THRB: variants seen among roughly 807,000 people sequenced by gnomAD.
THRB encodes the protein nuclear receptor subfamily 1 group A member 2.
A neutral mutation model predicts 47.8 loss-of-function variants in THRB; 12 were observed. The observed-to-expected ratio is 0.25, with a 90% confidence interval of 0.16 to 0.41. THRB has a LOEUF of 0.41. Ranked by LOEUF, THRB falls within the 10% of genes least tolerant of loss-of-function variation. The probability of loss-of-function intolerance (pLI) is 1.00; values close to 1 mark genes in which losing one functional copy is unlikely to be tolerated. For missense variants in THRB, 348 were observed against 589.2 expected, an observed-to-expected ratio of 0.59 and a Z score of 4.24; for synonymous variants, 218 against 212.2, an observed-to-expected ratio of 1.03 and a Z score of -0.24.
chr3:24,403,862 T>C (rs2067617495), intron 1 of THRB, among the ~76,000 whole-genome samples: 1 of 151,986 alleles, frequency 6.6e-6, no homozygotes, highest in Admixed American at 6.6e-5. Flanking sequence ...GCTTTCTTCA[T>C]ATAACATAAT....
intron 1 of THRB, among the ~76,000 whole-genome samples, chr3:24,438,127 A>T (rs969843130): frequency 1.3e-5 from 2 of 151,834 alleles, no homozygotes; most frequent in Non-Finnish European, 2.9e-5. Context: ...TTATACATAC[A>T]ATTGAGATTA....
intron 2 of THRB, among the ~76,000 whole-genome samples, chr3:24,322,283 C>T (rs138376537): frequency 6.6e-6 from 1 of 152,236 alleles, no homozygotes; most frequent in African/African-American, 2.4e-5. Context: ...GAAGCTTAAA[C>T]TGTTCTATTC....
intron 4 of THRB, among the ~76,000 whole-genome samples, chr3:24,198,477 AACT>A (rs2149698217): frequency 1.0e-5 from 1 of 97,658 alleles, no homozygotes; most frequent in East Asian, 3.7e-4. Flanking sequence ...TTTTTTTTTT[AACT>A]ACTAGTAATT....
At chr3:24,302,590 C>A (rs542518956) in intron 2 of THRB, among the ~76,000 whole-genome samples, 1 of 152,292 alleles carries the variant, frequency 6.6e-6, no homozygotes, top group South Asian at 2.1e-4. Context: ...TTGTCACAAA[C>A]CTCAAGTTTC....
chr3:24,143,350 C>A, intron 8 of THRB, 151 bp downstream of exon 8: 1 of 784,172 alleles, frequency 1.3e-6, no homozygotes, highest in Non-Finnish European at 2.2e-6. Context: ...CAAATCCTAG[C>A]TTTGCAAGTT....
chr3:24,329,765 A>G (rs1240150391), intron 2 of THRB, among the ~76,000 whole-genome samples: 1 of 152,268 alleles, frequency 6.6e-6, no homozygotes, highest in African/African-American at 2.4e-5. Flanking sequence ...GCAATCAACA[A>G]AACTCTAGTT....
At chr3:24,213,483 C>A (rs2046268033) in intron 4 of THRB, among the ~76,000 whole-genome samples, 1 of 152,130 alleles carries the variant, frequency 6.6e-6, no homozygotes, top group Non-Finnish European at 1.5e-5. Context: ...AGGCTAATCC[C>A]AGCCCTGGTC....
intron 1 of THRB, among the ~76,000 whole-genome samples, chr3:24,407,922 T>C (rs576099853): frequency 8.6e-5 from 13 of 151,980 alleles, no homozygotes; most frequent in African/African-American, 2.4e-4. Flanking sequence ...ATGGATAAAA[T>C]ATATCGAAAA....
chr3:24,383,002 T>C lies in THRB; in HGVS notation c.-260-45631A>G, dbSNP rs950799174. Among the ~76,000 whole-genome samples, 6 of 152,276 alleles carry C rather than the reference T, an allele frequency of 3.9e-5. No individual in the cohort carries two copies. The East Asian group carries it at 1.2e-3, about 29-fold the overall frequency. ...CTATCCGGAACATTCCCCTCTAGTC[T>C]AACTCAGTCTTCCATTCTTCCTTCA... is the stretch of plus-strand genomic sequence containing the variant. On this transcript the variant is annotated intron_variant, in intron 1 of 10. Coordinates refer to ENST00000646209, the MANE Select transcript of THRB (RefSeq NM_001354712.2).
At chr3:24,451,400 A>T (rs1224595118) in intron 1 of THRB, among the ~76,000 whole-genome samples, 2 of 151,374 alleles carry the variant, frequency 1.3e-5, no homozygotes, top group Admixed American at 1.3e-4. Context: ...TGCCTAGCTA[A>T]TTTTTTTTGT....
intron 4 of THRB, among the ~76,000 whole-genome samples, chr3:24,190,794 C>T (rs1292413083): frequency 6.6e-6 from 1 of 151,486 alleles, no homozygotes; most frequent in East Asian, 1.9e-4. Context: ...TGAGGGACAC[C>T]CTGTTACTTA....
intron 1 of THRB, among the ~76,000 whole-genome samples, chr3:24,402,074 A>C (rs1225525264): frequency 6.6e-6 from 1 of 152,012 alleles, no homozygotes; most frequent in Admixed American, 6.6e-5. Flanking sequence ...AAGAAAGTAA[A>C]GTCTGGGACA....
chr3:24,174,742 A>C (rs1283567711), intron 5 of THRB, among the ~76,000 whole-genome samples: 1 of 152,158 alleles, frequency 6.6e-6, no homozygotes, highest in African/African-American at 2.4e-5. Context: ...ACAGTGGCCC[A>C]TGCACTGTGC....
chr3:24,383,649 C>T (rs978063434), intron 1 of THRB, among the ~76,000 whole-genome samples: 2 of 152,130 alleles, frequency 1.3e-5, no homozygotes, highest in Admixed American at 1.3e-4. Context: ...CATACTAACA[C>T]AATTCTCTTT....
At chr3:24,161,084 C>T (rs1354656432) in intron 5 of THRB, among the ~76,000 whole-genome samples, 3 of 152,202 alleles carry the variant, frequency 2.0e-5, no homozygotes, top group South Asian at 2.1e-4. Context: ...GGTTTGGAAA[C>T]GATTATTGCT....
chr3:24,253,988 A>T (rs924724493), intron 3 of THRB, among the ~76,000 whole-genome samples: 1 of 150,060 alleles, frequency 6.7e-6, no homozygotes, highest in African/African-American at 2.5e-5. Context: ...GAAAGCTGTT[A>T]TCATTTTGAA....
intron 1 of THRB, among the ~76,000 whole-genome samples, chr3:24,376,716 G>A (rs1251723554): frequency 6.6e-6 from 1 of 152,200 alleles, no homozygotes; most frequent in Admixed American, 6.5e-5. Flanking sequence ...TGCCCTAAGA[G>A]AATCTAAAAC....
At chr3:24,250,247 C>A (rs533472400) in intron 3 of THRB, among the ~76,000 whole-genome samples, 1 of 152,214 alleles carries the variant, frequency 6.6e-6, no homozygotes, top group African/African-American at 2.4e-5. Flanking sequence ...TTCCCTGTAC[C>A]CCTTGAGAAG....
chr3:24,135,092 G>A (rs2034448400), intron 8 of THRB, among the ~76,000 whole-genome samples: 1 of 152,202 alleles, frequency 6.6e-6, no homozygotes, highest in African/African-American at 2.4e-5. Flanking sequence ...CCCAGGGTGT[G>A]CTGATGAAGC....
Sources: gnomAD v4.1 joint callset for allele counts (sites outside exome capture counted in the v4.1 genomes callset) on GRCh38, gnomAD v4.1.1 for gene constraint, MANE v1.5 for transcripts, NCBI Gene and HGNC (gene_info 2026-07-23, HGNC 2026-07-21) for gene names.